CPE: variants seen among roughly 807,000 people sequenced by gnomAD.
CPE encodes carbocypeptidase E.
CPE carries 17 observed loss-of-function variants against 53.5 expected under a neutral mutation model. That is an observed-to-expected ratio of 0.32 (90% CI 0.22 to 0.48). CPE has a LOEUF of 0.48. CPE is among the 20% of genes least tolerant of loss of function. The pLI, the probability that CPE is intolerant of heterozygous loss-of-function variation, is 0.99. For missense variants in CPE, 524 were observed against 614.7 expected (o/e 0.85, Z 1.56); for synonymous variants, 226 against 228.8 (o/e 0.99, Z 0.11).
At chr4:165,451,882 C>T (rs1328455057) in intron 1 of CPE, among the ~76,000 whole-genome samples, 1 of 151,834 alleles carries the variant, frequency 6.6e-6, no homozygotes, top group Admixed American at 6.6e-5. Context: ...GTTCTGAAAT[C>T]AAACCCAAGT....
intron 1 of CPE, among the ~76,000 whole-genome samples, chr4:165,463,667 T>G (rs1466587892): frequency 6.6e-6 from 1 of 152,266 alleles, no homozygotes; most frequent in African/African-American, 2.4e-5. Flanking sequence ...ACAGTCTTCT[T>G]AAGCAGTCTG....
At chr4:165,447,674 A>G (rs1361294109) in intron 1 of CPE, among the ~76,000 whole-genome samples, 1 of 152,158 alleles carries the variant, frequency 6.6e-6, no homozygotes, top group Non-Finnish European at 1.5e-5. Flanking sequence ...TTATAAATTT[A>G]AAATTTTTTG....
At chr4:165,480,224 A>G (rs1228269686) in intron 3 of CPE, among the ~76,000 whole-genome samples, 2 of 152,216 alleles carry the variant, frequency 1.3e-5, no homozygotes, top group Non-Finnish European at 2.9e-5. Flanking sequence ...AAGGTTTATT[A>G]TACTGTTGCT....
At chr4:165,431,923 G>A (rs1416255111) in intron 1 of CPE, among the ~76,000 whole-genome samples, 1 of 152,004 alleles carries the variant, frequency 6.6e-6, no homozygotes, top group African/African-American at 2.4e-5. Context: ...CAAGACAAGA[G>A]AGATGAGTGT....
intron 3 of CPE, among the ~76,000 whole-genome samples, chr4:165,474,483 G>T (rs1213047875): frequency 6.6e-6 from 1 of 152,138 alleles, no homozygotes; most frequent in Non-Finnish European, 1.5e-5. Context: ...GGAAAACAAA[G>T]GCATCCCCTC....
At chr4:165,398,888 C>T (rs1730819316) in intron 1 of CPE, among the ~76,000 whole-genome samples, 2 of 152,138 alleles carry the variant, frequency 1.3e-5, no homozygotes, top group Non-Finnish European at 2.9e-5. Context: ...AGGTGATATA[C>T]ACTGAGGTGT....
In CPE at chr4:165,495,991, C is replaced by T. The variant is rs190007434; in HGVS notation, c.1332+314C>T. On this transcript the variant is annotated intron_variant, in intron 8 of 8. Coordinates refer to ENST00000402744, the MANE Select transcript of CPE (RefSeq NM_001873.4). ...TTGCCTTTTTATCTTTAGCACCTAGCGCAGTGCCTTTCTCAATAAGTATTT... is the reference window on the plus strand; with the variant it reads ...TTGCCTTTTTATCTTTAGCACCTAGTGCAGTGCCTTTCTCAATAAGTATTT... Among the ~76,000 whole-genome samples the T allele has an allele frequency of 1.3e-3, 201 of 152,114 alleles. 1 individual carries two copies. The highest frequency in any genetic ancestry group is 3.4e-3 in the Middle Eastern group (1 of 294).
At chr4:165,412,480 C>CCTCTCAATAAAGT (rs1731057674) in intron 1 of CPE, among the ~76,000 whole-genome samples, 1 of 152,098 alleles carries the variant, frequency 6.6e-6, no homozygotes, top group East Asian at 1.9e-4. Context: ...CTCAATAAAG[C>CCTCTCAATAAAGT]CTATGAATCA....
intron 1 of CPE, among the ~76,000 whole-genome samples, chr4:165,436,920 G>A (rs931395415): frequency 6.6e-6 from 1 of 152,186 alleles, no homozygotes; most frequent in African/African-American, 2.4e-5. Context: ...TGAACAAAAG[G>A]CAGATTACTA....
rs866944252 is a variant in CPE, at chr4:165,421,630, G to A, written c.307+42102G>A. Among the ~76,000 whole-genome samples, 6 of 151,514 alleles carry A rather than the reference G, an allele frequency of 4.0e-5. No individual in the cohort carries two copies. The South Asian group carries it at 1.3e-3, about 32-fold the overall frequency. ...TCACATAGTATACCTTTTCACCCAG[G>A]AAGGGACAATTGGAGTTGTAGTTAT... On this transcript the variant is annotated intron_variant, in intron 1 of 8. Coordinates refer to ENST00000402744, the MANE Select transcript of CPE (RefSeq NM_001873.4).
intron 1 of CPE, among the ~76,000 whole-genome samples, chr4:165,399,575 T>A (rs1020923805): frequency 2.0e-5 from 3 of 152,180 alleles, no homozygotes; most frequent in African/African-American, 7.2e-5. Flanking sequence ...TTTCACCATG[T>A]TGGCCAGGCT....
chr4:165,455,020 A>G (rs80165802), intron 1 of CPE, among the ~76,000 whole-genome samples: 2,285 of 152,308 alleles, frequency 0.015, 36 homozygotes, highest in Middle Eastern at 0.048. Flanking sequence ...AACAAACCAA[A>G]TCCTTCCCCA....
chr4:165,380,287 T>G (rs1479092664), intron 1 of CPE, among the ~76,000 whole-genome samples: 2 of 152,212 alleles, frequency 1.3e-5, no homozygotes, highest in Non-Finnish European at 2.9e-5. Flanking sequence ...GAGTATTCCA[T>G]TTTCTCTGCT....
At chr4:165,444,794 G>A (rs954732331) in intron 1 of CPE, among the ~76,000 whole-genome samples, 7 of 152,176 alleles carry the variant, frequency 4.6e-5, no homozygotes, top group Non-Finnish European at 8.8e-5. Context: ...TGCACAAACC[G>A]TGTGAATTAC....
chr4:165,382,124 A>G lies in CPE; in HGVS notation c.307+2596A>G, dbSNP rs1730513108. ...ACAGTAAGGTCAGCAGGTCAGGGAGACTGGATTATTGAAGAATTGATGACA... is the reference window on the plus strand; with the variant it reads ...ACAGTAAGGTCAGCAGGTCAGGGAGGCTGGATTATTGAAGAATTGATGACA... On this transcript the variant is annotated intron_variant, in intron 1 of 8. Transcript: ENST00000402744. Among the ~76,000 whole-genome samples the G allele has an allele frequency of 2.1e-5, 3 of 142,952 alleles. 1 individual carries two copies. In the South Asian group the frequency reaches 6.8e-4, roughly 33 times the overall value. The allele number at this position is 142,952 out of a possible 152,430, so 93.8% of individuals were successfully genotyped here.
chr4:165,453,166 G>T (rs900237243), intron 1 of CPE, among the ~76,000 whole-genome samples: 6 of 151,756 alleles, frequency 4.0e-5, no homozygotes, highest in Non-Finnish European at 7.4e-5. Context: ...TACCATGTTG[G>T]TCAGGCTGGT....
At chr4:165,429,654 A>G (rs962861467) in intron 1 of CPE, among the ~76,000 whole-genome samples, 5 of 151,694 alleles carry the variant, frequency 3.3e-5, no homozygotes, top group African/African-American at 4.8e-5. Context: ...ATGAATCGAG[A>G]TCGTGCCTCT....
At chr4:165,477,690 A>C (rs1190873901) in intron 3 of CPE, among the ~76,000 whole-genome samples, 1 of 152,138 alleles carries the variant, frequency 6.6e-6, no homozygotes, top group Non-Finnish European at 1.5e-5. Context: ...ATTAATAGAA[A>C]ATAGAAATGC....
intron 4 of CPE, among the ~76,000 whole-genome samples, chr4:165,482,603 T>C (rs954879980): frequency 3.9e-5 from 6 of 152,194 alleles, no homozygotes; most frequent in Non-Finnish European, 7.3e-5. Flanking sequence ...TGACAGTACC[T>C]AGCCAACAGA....
Sources: allele counts gnomAD v4.1 joint callset (sites outside exome capture counted in the v4.1 genomes callset), GRCh38; gene constraint gnomAD v4.1.1; transcripts MANE v1.5; gene names NCBI Gene and HGNC (gene_info 2026-07-23, HGNC 2026-07-21).